Variants in GIT2 observed in about 807,000 individuals in gnomAD.
GIT2 encodes ARF GTPase-activating protein GIT2.
In GIT2, 32 loss-of-function variants were observed where a neutral mutation model predicts 100.3. The ratio of observed to expected loss-of-function variants is 0.32; its 90% CI spans 0.24 to 0.43. GIT2 has a LOEUF of 0.43. GIT2 is among the 20% of genes least tolerant of loss of function. The pLI is 1.00. For missense variants in GIT2, 737 were observed against 975.1 expected (o/e 0.76, Z 3.25); for synonymous variants, 353 against 364.1 (o/e 0.97, Z 0.35).
At chr12:109,958,534 C>T (rs1203959404) in intron 12 of GIT2, among the ~76,000 whole-genome samples, 1 of 152,160 alleles carries the variant, frequency 6.6e-6, no homozygotes, top group African/African-American at 2.4e-5. Flanking sequence ...TAAGGCACCA[C>T]GCCCAGGCCA....
chr12:109,999,788 AGGGGC>A, upstream of GIT2: 2 of 1,522,998 alleles, frequency 1.3e-6, no homozygotes, highest in Non-Finnish European at 8.8e-7. This position sits in a 1 kb window ranked among gnomAD's most constrained non-coding sequence, Gnocchi z 4.3. Context: ...GGGCCAGGTG[AGGGGC>A]GGGGCGGGGG....
At chr12:109,940,932 A>G (rs75719531) in intron 16 of GIT2, among the ~76,000 whole-genome samples, 4 of 148,082 alleles carry the variant, frequency 2.7e-5, no homozygotes, top group Admixed American at 2.7e-4. Flanking sequence ...AAAAAAAAAA[A>G]CCCCACAAAA....
Position 109,941,671 on chromosome 12 carries a change from AC to A in GIT2, c.1732-2425del, listed in dbSNP as rs531803878. ...TGAGTAGCTGGGATTACAGGCATGCACCACCATACCGAGCTAATTTTGTATT... is the reference window on the plus strand; with the variant it reads ...TGAGTAGCTGGGATTACAGGCATGCACACCATACCGAGCTAATTTTGTATT... On this transcript the variant is annotated intron_variant, in intron 16 of 19. Transcript: ENST00000355312. Among the ~76,000 whole-genome samples the A allele has an allele frequency of 1.9e-4, 29 of 151,788 alleles. No homozygotes were observed. In the East Asian group the frequency reaches 5.6e-3, roughly 29 times the overall value.
At position 109,939,202 on chromosome 12, in the gene GIT2, C is replaced by T. The variant is rs749181313; in HGVS notation, c.1777G>A (p.Asp593Asn). 1.3e-5 allele frequency: 21 copies of T among 1,611,238 alleles called. No homozygotes were observed. Among genetic ancestry groups the T allele is most frequent in the Middle Eastern group, 1.6e-4 (1 of 6,074 alleles). The change falls in exon 17 of 20, where the codon GAC becomes AAC. Residue 593 changes from aspartate to asparagine, a missense_variant. By Grantham distance (23) the Asp-to-Asn change is conservative. Around this residue, in one of 3 missense-constraint regions of GIT2, gnomAD observed 451 missense variants for 543.7 expected, o/e 0.83. Coordinates refer to ENST00000355312, the MANE Select transcript of GIT2 (RefSeq NM_057169.5). ...GGCTCCATGTCGTTGGGAGTGTTGT[C>T]GTAGTCACTCTCAGGTGTGCTGTTC... The part of the protein sequence containing the change: ...KQNSTPESDY[D>N]NTPNDMEPDG...
intron 4 of GIT2, among the ~76,000 whole-genome samples, chr12:109,986,721 C>T (rs1207671261): frequency 2.6e-5 from 4 of 151,276 alleles, no homozygotes; most frequent in African/African-American, 4.9e-5. Flanking sequence ...GCCAAGATTG[C>T]GCCACTGCAC....
intron 8 of GIT2, among the ~76,000 whole-genome samples, chr12:109,966,433 T>G (rs1286598576): frequency 7.5e-6 from 1 of 133,920 alleles, no homozygotes; most frequent in Non-Finnish European, 1.5e-5. Flanking sequence ...TGCTTGAACC[T>G]GGGAGGTGGA....
At chr12:109,950,219 T>C (rs1877451161) in intron 14 of GIT2, among the ~76,000 whole-genome samples, 1 of 152,228 alleles carries the variant, frequency 6.6e-6, no homozygotes, top group Admixed American at 6.5e-5. Context: ...CCACCTTCCT[T>C]TAGGAAGCAG....
Position 109,981,396 on chromosome 12 carries a change from G to T in GIT2, c.624-350C>A, listed in dbSNP as rs146768909. The T allele has an allele frequency of 6.0e-5, 13 of 218,138 alleles. No individual in the cohort carries two copies. In the East Asian group the frequency reaches 1.5e-3, roughly 24 times the overall value. The allele number at this position is 218,138 out of a possible 1,614,324, so 13.5% of individuals were successfully genotyped here. ...TAGAAGTTCTCAAAAATTAACTAGCGCATTTCTAGAAATATACCATGTGCA... is the reference window on the plus strand; with the variant it reads ...TAGAAGTTCTCAAAAATTAACTAGCTCATTTCTAGAAATATACCATGTGCA... On this transcript the variant is annotated intron_variant, in intron 6 of 19. Coordinates refer to ENST00000355312, the MANE Select transcript of GIT2 (RefSeq NM_057169.5).
Position 109,948,537 on chromosome 12 carries a change from CGTCCATTCTGCGCAGG to C in GIT2, c.1393-1049_1393-1034del. Reference sequence around the variant, plus strand: ...CTGGCATTTTAAACACCATTCACCACGTCCATTCTGCGCAGGGTCCTTCCCTTCTGGTGCGCCTTCA... The same window carrying C: ...CTGGCATTTTAAACACCATTCACCACGTCCTTCCCTTCTGGTGCGCCTTCA... On this transcript the variant is annotated intron_variant, in intron 14 of 19. Coordinates refer to ENST00000355312, the MANE Select transcript of GIT2 (RefSeq NM_057169.5). The surrounding 1 kb of genome is among the most constrained non-coding windows in gnomAD (Gnocchi z 4.3). 1.5e-6 allele frequency: 2 copies of C among 1,310,732 alleles called. No homozygotes were observed. The highest frequency in any genetic ancestry group is 1.9e-6 in the Non-Finnish European group (2 of 1,033,130). 81.2% of individuals were successfully genotyped at this position (1,310,732 alleles called of 1,614,324 possible). A position where few individuals can be genotyped will look rare whatever the true frequency, so the allele number is the denominator to read the frequency against.
At chr12:109,994,421 T>G (rs977114051) in intron 1 of GIT2, among the ~76,000 whole-genome samples, 8 of 152,182 alleles carry the variant, frequency 5.3e-5, no homozygotes, top group African/African-American at 1.7e-4. Context: ...GGAGAAGGCC[T>G]TAGCATTCAA....
At chr12:109,953,276 T>A (rs202192001) in intron 12 of GIT2, 42 bp from the exon 13 acceptor site, 2 of 1,599,292 alleles carry the variant, frequency 1.3e-6, no homozygotes, top group East Asian at 4.5e-5. Context: ...GCTTAAAACA[T>A]TGCTTTTCTT....
chr12:109,973,692 G>C (rs1173725834), intron 7 of GIT2, among the ~76,000 whole-genome samples: 1 of 150,570 alleles, frequency 6.6e-6, no homozygotes, highest in Non-Finnish European at 1.5e-5. Flanking sequence ...CTTCTGTTTG[G>C]TTCAGGTTTA....
At chr12:109,985,325 G>A (rs578236069) in intron 4 of GIT2, among the ~76,000 whole-genome samples, 1 of 151,856 alleles carries the variant, frequency 6.6e-6, no homozygotes, top group Non-Finnish European at 1.5e-5. Flanking sequence ...CACATACCAA[G>A]TCTTATTAAT....
At chr12:109,938,619 C>T (rs1873705916) in intron 17 of GIT2, 51 bp from the exon 18 acceptor site, 2 of 1,381,326 alleles carry the variant, frequency 1.4e-6, no homozygotes, top group African/African-American at 1.4e-5. Context: ...ATCAGCTGCC[C>T]CTCTGCTTCT....
At chr12:109,981,194 G>GA (rs1447723583) in intron 6 of GIT2, 148 bp from the exon 7 acceptor site, 3 of 639,824 alleles carry the variant, frequency 4.7e-6, no homozygotes, top group Non-Finnish European at 8.5e-6. Flanking sequence ...GTAGATTTCT[G>GA]AAGTCTACTT....
chr12:109,997,087 G>A (rs1889544224), upstream of GIT2, among the ~76,000 whole-genome samples: 1 of 151,318 alleles, frequency 6.6e-6, no homozygotes, highest in Non-Finnish European at 1.5e-5. Context: ...GCAGGAGCCT[G>A]TAATCTCAGT....
rs561170999 is a variant in GIT2, at chr12:109,973,378, TG to T, written c.719-5876del. 2.0e-4 allele frequency among the ~76,000 whole-genome samples: 31 copies of T among 152,106 alleles called. 1 individual carries two copies. In the South Asian group the frequency reaches 5.8e-3, roughly 29 times the overall value. ...CTGGTCTCTAACTCCCCACCTCAAA[TG>T]ATCTATCTGCCTCAGCCTCCCAAAG... On this transcript the variant is annotated intron_variant, in intron 7 of 19. Transcript: ENST00000355312.
At chr12:109,961,090 AT>A (rs1880926250) in intron 11 of GIT2, among the ~76,000 whole-genome samples, 187 bp downstream of exon 11, 1 of 152,338 alleles carries the variant, frequency 6.6e-6, no homozygotes, top group Middle Eastern at 3.4e-3. Flanking sequence ...ATTGTTTCAT[AT>A]TCTTTCCCAG....
upstream of GIT2, chr12:109,999,545 C>T: frequency 1.9e-6 from 1 of 531,894 alleles, no homozygotes. The surrounding 1 kb of genome is among the most constrained non-coding windows in gnomAD (Gnocchi z 4.3). Flanking sequence ...GCGCCCCGCA[C>T]CCGACCGGCT....
Sources: gnomAD v4.1 joint callset for allele counts (sites outside exome capture counted in the v4.1 genomes callset) on GRCh38, gnomAD v4.1.1 for gene constraint, gnomAD v4.1.1 regional missense constraint, Gnocchi (gnomAD v3.1) non-coding constraint, MANE v1.5 for transcripts, NCBI Gene and HGNC (gene_info 2026-07-23, HGNC 2026-07-21) for gene names.